ARHGAP42: variants seen among roughly 807,000 people sequenced by gnomAD.
The protein encoded by ARHGAP42 is Rho GTPase activating protein 42, also known as rho GTPase-activating protein 42.
Under a neutral mutation model 125.0 loss-of-function variants are expected in ARHGAP42, and 63 were observed. The ratio of observed to expected loss-of-function variants is 0.50; its 90% CI spans 0.41 to 0.62. ARHGAP42 has a LOEUF of 0.62. ARHGAP42 is among the 20% of genes least tolerant of loss of function. The pLI is 0.00. For synonymous variants in ARHGAP42, 339 were observed against 351.0 expected, an observed-to-expected ratio of 0.97 and a Z score of 0.38; for missense variants, 766 against 1,024.2, an observed-to-expected ratio of 0.75 and a Z score of 3.44.
chr11:100,828,459 G>A (rs939327790), intron 3 of ARHGAP42, among the ~76,000 whole-genome samples: 1 of 152,104 alleles, frequency 6.6e-6, no homozygotes, highest in Admixed American at 6.5e-5. Flanking sequence ...TCTCTGACTA[G>A]GCTTCTGTGA....
intron 1 of ARHGAP42, among the ~76,000 whole-genome samples, chr11:100,691,081 A>G (rs979430300): frequency 2.0e-5 from 3 of 152,184 alleles, no homozygotes; most frequent in African/African-American, 4.8e-5. Context: ...ATCTATACAA[A>G]TCTTACCATT....
chr11:100,849,165 A>AT (rs946678906), intron 3 of ARHGAP42, among the ~76,000 whole-genome samples: 1 of 152,120 alleles, frequency 6.6e-6, no homozygotes, highest in African/African-American at 2.4e-5. Context: ...GAAAAGTGTA[A>AT]TTTTTTTAAT....
At chr11:100,857,279 G>A (rs1865343458) in intron 3 of ARHGAP42, among the ~76,000 whole-genome samples, 1 of 152,078 alleles carries the variant, frequency 6.6e-6, no homozygotes, top group Admixed American at 6.6e-5. Context: ...CCCAAGAAAT[G>A]TGGAAGAAAT....
intron 1 of ARHGAP42, among the ~76,000 whole-genome samples, chr11:100,723,591 A>G (rs1490398700): frequency 6.6e-6 from 1 of 152,068 alleles, no homozygotes; most frequent in African/African-American, 2.4e-5. Flanking sequence ...CATTTCTGAT[A>G]TAGGAAAGAC....
chr11:100,829,353 C>G (rs946901436), intron 3 of ARHGAP42, among the ~76,000 whole-genome samples: 6 of 148,754 alleles, frequency 4.0e-5, no homozygotes, highest in Non-Finnish European at 8.9e-5. Flanking sequence ...GAGCAAGACC[C>G]TGTCTTCAAA....
chr11:100,904,811 C>G (rs970986413), intron 4 of ARHGAP42, among the ~76,000 whole-genome samples: 4 of 152,244 alleles, frequency 2.6e-5, no homozygotes, highest in African/African-American at 9.6e-5. Context: ...CAGATTACTT[C>G]TCTCTTCTCT....
chr11:100,915,541 A>G (rs945103187), intron 5 of ARHGAP42, among the ~76,000 whole-genome samples: 4 of 152,212 alleles, frequency 2.6e-5, no homozygotes, highest in Non-Finnish European at 5.9e-5. Flanking sequence ...TAAGGAAATG[A>G]TAACATTATC....
chr11:100,790,346 T>C (rs1251923401), intron 2 of ARHGAP42, among the ~76,000 whole-genome samples: 18 of 152,224 alleles, frequency 1.2e-4, no homozygotes, highest in Admixed American at 1.0e-3. Context: ...GTAATAGTTT[T>C]TTTTTTTGTT....
chr11:100,980,215 T>A (rs1858496659), intron 22 of ARHGAP42, among the ~76,000 whole-genome samples: 1 of 152,158 alleles, frequency 6.6e-6, no homozygotes, highest in African/African-American at 2.4e-5. Context: ...AGTGTCTTTA[T>A]CTTCCTTTTG....
Position 100,976,346 on chromosome 11 carries a change from A to G in ARHGAP42, c.2145A>G (p.Pro715=). 6.4e-7 allele frequency: 1 copy of G among 1,551,570 alleles called. No individual in the cohort carries two copies. The highest frequency in any genetic ancestry group is 1.4e-5 in the African/African-American group (1 of 73,126). ...ASVTSPGDVS[P]PIDLVKKEPY... ...TCACTAGCCCAGGAGACGTTTCCCC[A>G]CCCATAGACCTAGTCAAGAAAGAGC... Residue 715 remains proline (P), a synonymous_variant, in exon 20 of 24, where the codon CCA becomes CCG. Transcript: ENST00000298815.
At chr11:100,934,454 C>T (rs1867678053) in intron 7 of ARHGAP42, among the ~76,000 whole-genome samples, 1 of 152,102 alleles carries the variant, frequency 6.6e-6, no homozygotes. Context: ...TACAGGCCAC[C>T]TATTTCTATC....
At chr11:100,915,581 C>G (rs1234854504) in intron 5 of ARHGAP42, among the ~76,000 whole-genome samples, 1 of 152,098 alleles carries the variant, frequency 6.6e-6, no homozygotes. Context: ...GAGAATATAC[C>G]TCAATTTTTC....
chr11:100,879,127 A>G (rs1205920294), intron 4 of ARHGAP42, among the ~76,000 whole-genome samples: 1 of 152,178 alleles, frequency 6.6e-6, no homozygotes, highest in Non-Finnish European at 1.5e-5. Flanking sequence ...CTTATTAGAA[A>G]TGCAGAATCT....
chr11:100,723,681 T>C (rs1861804473), intron 1 of ARHGAP42, among the ~76,000 whole-genome samples: 1 of 152,206 alleles, frequency 6.6e-6, no homozygotes, highest in Non-Finnish European at 1.5e-5. Context: ...CTTTAGGATC[T>C]TCAACATGTA....
intron 1 of ARHGAP42, among the ~76,000 whole-genome samples, chr11:100,761,454 A>G (rs1047503316): frequency 2.6e-5 from 4 of 152,170 alleles, no homozygotes; most frequent in Non-Finnish European, 4.4e-5. Context: ...GGTTCATTTT[A>G]TCCTTTGAAC....
At chr11:100,960,090 T>C (rs755102756) in intron 13 of ARHGAP42, 145 bp downstream of exon 13, 3 of 698,544 alleles carry the variant, frequency 4.3e-6, no homozygotes, top group Non-Finnish European at 7.0e-6. Flanking sequence ...TGTATCGGTA[T>C]ACAAATAGCT....
intron 3 of ARHGAP42, among the ~76,000 whole-genome samples, chr11:100,850,526 G>C (rs935708461): frequency 1.3e-5 from 2 of 152,122 alleles, no homozygotes; most frequent in Non-Finnish European, 2.9e-5. Flanking sequence ...TATATACCGT[G>C]TTGTGGTCAT....
intron 4 of ARHGAP42, among the ~76,000 whole-genome samples, chr11:100,885,244 A>G (rs979727775): frequency 8.5e-5 from 13 of 152,180 alleles, no homozygotes; most frequent in African/African-American, 3.1e-4. Context: ...ATTGAGTTAA[A>G]CAGTTAAAAT....
rs1170084322 is a variant in ARHGAP42, at chr11:100,993,527, CCTT to C, written c.*4730_*4732del. On this transcript the variant is annotated 3_prime_UTR_variant, in exon 24 of 24. Coordinates refer to ENST00000298815, the MANE Select transcript of ARHGAP42 (RefSeq NM_152432.4). ...TATCAAAGGTTGGGATTTTCAGAGT[CCTT>C]CTTGATTTCTGAGCTGAAACCTTAA... 1.2e-5 allele frequency: 2 copies of C among 166,962 alleles called. No individual in the cohort carries two copies. The highest frequency in any genetic ancestry group is 2.9e-5 in the Non-Finnish European group (2 of 68,102). 10.3% of individuals were successfully genotyped at this position (166,962 alleles called of 1,614,324 possible). A position where few individuals can be genotyped will look rare whatever the true frequency, so the allele number is the denominator to read the frequency against.
Sources: allele counts gnomAD v4.1 joint callset (sites outside exome capture counted in the v4.1 genomes callset), GRCh38; gene constraint gnomAD v4.1.1; transcripts MANE v1.5; gene names NCBI Gene and HGNC (gene_info 2026-07-23, HGNC 2026-07-21).